The following FGD6 variants were observed in gnomAD, a reference collection of about 807,000 sequenced individuals.
FGD6 encodes the protein FYVE, RhoGEF and PH domain containing 6.
Under a neutral mutation model 149.4 loss-of-function variants are expected in FGD6, and 90 were observed. The ratio of observed to expected loss-of-function variants is 0.60; its 90% CI spans 0.51 to 0.72. The LOEUF is 0.72. Among genes scored for constraint, FGD6 ranks in the 30% least tolerant of loss-of-function variants. The probability of loss-of-function intolerance (pLI) is 0.00; values close to 1 mark genes in which losing one functional copy is unlikely to be tolerated. For missense variants in FGD6, 1,437 were observed against 1,684.8 expected (o/e 0.85, Z 2.57); for synonymous variants, 527 against 584.0 (o/e 0.90, Z 1.41).
chr12:95,131,113 T>TC (rs1879508999), intron 8 of FGD6, among the ~76,000 whole-genome samples: 1 of 125,124 alleles, frequency 8.0e-6, no homozygotes, highest in East Asian at 2.0e-4. Flanking sequence ...AAAGAGTTTT[T>TC]TTTTTTTTTT....
intron 13 of FGD6, 103 bp from the exon 14 acceptor site, chr12:95,105,189 C>G (rs1385637122): frequency 1.1e-5 from 10 of 927,378 alleles, no homozygotes; most frequent in Non-Finnish European, 1.7e-5. Context: ...CACAACCAAT[C>G]TTCCTATCCA....
chr12:95,077,373 T>C lies in FGD6; in HGVS notation c.*4147A>G, dbSNP rs1555215248. The C allele has an allele frequency of 1.3e-5, 2 of 152,152 alleles. No homozygotes were observed. Among genetic ancestry groups the C allele is most frequent in the South Asian group, 2.1e-4 (1 of 4,812 alleles). The allele number at this position is 152,152 out of a possible 1,614,324, so 9.4% of individuals were successfully genotyped here. A position where few individuals can be genotyped will look rare whatever the true frequency, so the allele number is the denominator to read the frequency against. The stretch of plus-strand genomic sequence containing the variant: ...GGAGACAGGATCTAGTCTGGAGGAA[T>C]AGGGGAGAGAAAGACTAAGGGTCAG... On this transcript the variant is annotated 3_prime_UTR_variant, in exon 21 of 21. Transcript: ENST00000343958.
rs995226488 is a variant in FGD6 at position 95,079,699 on chromosome 12, T to C, written c.*1821A>G. ...ACAGAAAGGGGATGGCATGTTAGGA[T>C]TGTGTATGAGGTTCAAATGACTCCA... On this transcript the variant is annotated 3_prime_UTR_variant, in exon 21 of 21. Coordinates refer to ENST00000343958, the MANE Select transcript of FGD6 (RefSeq NM_018351.4). 1 of 152,036 alleles carries C rather than the reference T, an allele frequency of 6.6e-6. No homozygotes were observed. The highest frequency in any genetic ancestry group is 2.4e-5 in the African/African-American group (1 of 41,392). The allele number at this position is 152,036 out of a possible 1,614,324, so 9.4% of individuals were successfully genotyped here. A position where few individuals can be genotyped will look rare whatever the true frequency, so the allele number is the denominator to read the frequency against.
At position 95,152,842 on chromosome 12, in the gene FGD6, C is replaced by T. The variant is rs1367442259; in HGVS notation, c.2655-1G>A. 1.9e-6 allele frequency: 3 copies of T among 1,613,360 alleles called. No individual in the cohort carries two copies. Among genetic ancestry groups the T allele is most frequent in the Non-Finnish European group, 2.5e-6 (3 of 1,179,728 alleles). On this transcript the variant is annotated splice_acceptor_variant, in intron 4 of 20. Coordinates refer to ENST00000343958, the MANE Select transcript of FGD6 (RefSeq NM_018351.4). LOFTEE classifies it high-confidence loss of function. ...CAAAAGTTTTAACACATCCACAAAC[C>T]TGTAAAAAACAACAATGAAAAAAAT...
chr12:95,164,246 C>CTT (rs540227306), intron 3 of FGD6, among the ~76,000 whole-genome samples: 18 of 140,448 alleles, frequency 1.3e-4, no homozygotes, highest in East Asian at 6.2e-4. Flanking sequence ...TTTTTCCTTC[C>CTT]TTTTTTTTTT....
At chr12:95,106,194 T>C (rs577071976) in intron 13 of FGD6, among the ~76,000 whole-genome samples, 1 of 152,134 alleles carries the variant, frequency 6.6e-6, no homozygotes, top group Admixed American at 6.5e-5. Flanking sequence ...ACTCTTGAGC[T>C]CAAGTTATTA....
chr12:95,165,069 T>C (rs573092794), intron 3 of FGD6, among the ~76,000 whole-genome samples: 1 of 152,198 alleles, frequency 6.6e-6, no homozygotes, highest in African/African-American at 2.4e-5. Flanking sequence ...ATTTAAGCCC[T>C]GAAAGGAAAG....
chr12:95,167,516 A>G (rs745892966), intron 3 of FGD6, among the ~76,000 whole-genome samples: 1 of 149,272 alleles, frequency 6.7e-6, no homozygotes, highest in South Asian at 2.1e-4. Context: ...TGGCCACTGT[A>G]TATCTTCTTT....
At chr12:95,101,230 C>A (rs1245590157) in intron 14 of FGD6, among the ~76,000 whole-genome samples, 1 of 152,018 alleles carries the variant, frequency 6.6e-6, no homozygotes, top group Non-Finnish European at 1.5e-5. Context: ...CCCTGTAGTC[C>A]CAGTGACTCG....
At chr12:95,089,764 C>T (rs1877990787) in intron 17 of FGD6, 68 bp from the exon 18 acceptor site, 2 of 1,577,232 alleles carry the variant, frequency 1.3e-6, no homozygotes, top group Admixed American at 1.8e-5. Context: ...CATTCAAATC[C>T]ATAAACACTG....
intron 9 of FGD6, among the ~76,000 whole-genome samples, chr12:95,112,635 T>C (rs1386306245): frequency 1.3e-5 from 2 of 151,970 alleles, no homozygotes; most frequent in Non-Finnish European, 2.9e-5. Context: ...CCTGTGACAT[T>C]TGAAAGAGGT....
chr12:95,106,866 C>G, intron 13 of FGD6, 88 bp downstream of exon 13: 2 of 1,094,092 alleles, frequency 1.8e-6, no homozygotes, highest in Non-Finnish European at 2.7e-6. Context: ...TGCACTCCAG[C>G]CTGGGTGACA....
At chr12:95,197,865 A>T (rs1247517007) in intron 2 of FGD6, among the ~76,000 whole-genome samples, 6 of 152,242 alleles carry the variant, frequency 3.9e-5, no homozygotes, top group Non-Finnish European at 8.8e-5. Flanking sequence ...TTTGAATAGC[A>T]GCCACCACCT....
chr12:95,165,591 G>A lies in FGD6; in HGVS notation c.2586+7009C>T, dbSNP rs575719478. Among the ~76,000 whole-genome samples the A allele has an allele frequency of 3.9e-3, 599 of 151,918 alleles. 2 individuals carry two copies. The highest frequency in any genetic ancestry group is 7.0e-3 in the Non-Finnish European group (476 of 68,000). On this transcript the variant is annotated intron_variant, in intron 3 of 20. Coordinates refer to ENST00000343958, the MANE Select transcript of FGD6 (RefSeq NM_018351.4). Reference sequence around the variant, plus strand: ...GACCTCAGGTGATCCGCCAGCCTCAGCCTCCCAAAGTGCTAAGATTACAGG... The same window carrying A: ...GACCTCAGGTGATCCGCCAGCCTCAACCTCCCAAAGTGCTAAGATTACAGG...
At chr12:95,165,162 T>C (rs756744065) in intron 3 of FGD6, among the ~76,000 whole-genome samples, 14 of 152,274 alleles carry the variant, frequency 9.2e-5, no homozygotes, top group East Asian at 3.9e-4. Context: ...ACATGTTTCA[T>C]TGACATCATT....
chr12:95,096,869 C>A (rs1371593655), intron 14 of FGD6, among the ~76,000 whole-genome samples: 1 of 152,224 alleles, frequency 6.6e-6, no homozygotes, highest in African/African-American at 2.4e-5. Context: ...AATACATGCT[C>A]AGGGTTCCAA....
At chr12:95,088,992 C>T (rs1304247575) in intron 18 of FGD6, among the ~76,000 whole-genome samples, 4 of 152,164 alleles carry the variant, frequency 2.6e-5, no homozygotes, top group Non-Finnish European at 5.9e-5. Context: ...CTGATCATAA[C>T]GGAGTAGCCA....
chr12:95,083,995 T>C (rs1236312703), intron 20 of FGD6, among the ~76,000 whole-genome samples: 1 of 152,214 alleles, frequency 6.6e-6, no homozygotes, highest in Non-Finnish European at 1.5e-5. Context: ...CCATCTAAAC[T>C]GATAGCCATT....
intron 9 of FGD6, among the ~76,000 whole-genome samples, chr12:95,110,224 C>G (rs1878770961): frequency 1.3e-5 from 2 of 152,246 alleles, no homozygotes; most frequent in South Asian, 4.1e-4. Context: ...GATCCGCCCG[C>G]CTCAGCCTCC....
Sources: gnomAD v4.1 joint callset for allele counts (sites outside exome capture counted in the v4.1 genomes callset) on GRCh38, gnomAD v4.1.1 for gene constraint, MANE v1.5 for transcripts, NCBI Gene and HGNC (gene_info 2026-07-23, HGNC 2026-07-21) for gene names.